IQGAP1: variants seen among roughly 807,000 people sequenced by gnomAD.
The protein encoded by IQGAP1 is ras GTPase-activating-like protein IQGAP1.
Under a neutral mutation model 215.6 loss-of-function variants are expected in IQGAP1, and 66 were observed. The ratio of observed to expected loss-of-function variants is 0.31; its 90% CI spans 0.25 to 0.38. The LOEUF (loss-of-function observed/expected upper bound fraction) is 0.38. Among genes scored for constraint, IQGAP1 ranks in the 10% least tolerant of loss-of-function variants. The pLI, the probability that IQGAP1 is intolerant of heterozygous loss-of-function variation, is 1.00. For missense variants in IQGAP1, 1,712 were observed against 1,997.1 expected (o/e 0.86, Z 2.72); for synonymous variants, 772 against 728.7 (o/e 1.06, Z -0.96).
intron 15 of IQGAP1, among the ~76,000 whole-genome samples, chr15:90,457,350 A>G (rs955672557): frequency 2.0e-5 from 3 of 150,946 alleles, no homozygotes; most frequent in African/African-American, 7.3e-5. Context: ...GTTGTGTACT[A>G]TTTCATTGTG....
chr15:90,430,187 G>A (rs1965282568), intron 4 of IQGAP1, among the ~76,000 whole-genome samples: 1 of 151,958 alleles, frequency 6.6e-6, no homozygotes, highest in Non-Finnish European at 1.5e-5. Context: ...ACATCTTCTG[G>A]GTGTTCTGCT....
rs10701656 is a variant in IQGAP1 at position 90,392,748 on chromosome 15, C to CTTTT, written c.155+1889_155+1892dup. Among the ~76,000 whole-genome samples, 294 of 117,798 alleles carry CTTTT rather than the reference C, an allele frequency of 2.5e-3. 22 individuals are homozygous for CTTTT. The highest frequency in any genetic ancestry group is 0.016 in the Admixed American group (157 of 9,926). The allele number at this position is 117,798 out of a possible 152,430, so 77.3% of individuals were successfully genotyped here. A position where few individuals can be genotyped will look rare whatever the true frequency, so the allele number is the denominator to read the frequency against. ...TTTCTTGATTGAAGAATGTTTCTAT[C>CTTTT]TTTTTTTTTTTTTTTTTGTACAGTC... On this transcript the variant is annotated intron_variant, in intron 2 of 37. Transcript: ENST00000268182.
At chr15:90,427,804 T>C (rs2256110) in intron 3 of IQGAP1, among the ~76,000 whole-genome samples, 86,191 of 151,888 alleles carry the variant, frequency 0.57, 26,004 homozygotes, top group East Asian at 0.83. Context: ...TACCTGTGAA[T>C]CCTTATTTGA....
intron 22 of IQGAP1, 128 bp downstream of exon 22, chr15:90,474,261 T>C: frequency 2.3e-6 from 2 of 874,770 alleles, no homozygotes; most frequent in Non-Finnish European, 3.5e-6. Context: ...ACCTGTGACA[T>C]AAGCCCCTTT....
At chr15:90,487,950 T>C (rs1340246743) in intron 33 of IQGAP1, among the ~76,000 whole-genome samples, 1 of 152,132 alleles carries the variant, frequency 6.6e-6, no homozygotes, top group Middle Eastern at 3.2e-3. Context: ...TGGCCGGGCA[T>C]GGTGGCTCAT....
intron 2 of IQGAP1, among the ~76,000 whole-genome samples, chr15:90,407,935 A>G (rs910201314): frequency 6.6e-6 from 1 of 152,256 alleles, no homozygotes; most frequent in Non-Finnish European, 1.5e-5. Flanking sequence ...TCAGAGAATG[A>G]GAGGTCTCAG....
chr15:90,443,932 C>T (rs1180976334), intron 9 of IQGAP1, among the ~76,000 whole-genome samples: 9 of 151,862 alleles, frequency 5.9e-5, no homozygotes, highest in Non-Finnish European at 1.3e-4. Flanking sequence ...GGCATGGTGG[C>T]GTGCTCTTGT....
At position 90,448,687 on chromosome 15, in the gene IQGAP1, G is replaced by A. The variant is rs780238754; in HGVS notation, c.1028G>A (p.Ser343Asn). ...LGLRGLQQQN[S>N]DWYLKQLLSD... ...CTTCGAGGACTGCAGCAACAGAATAGCGACTGGTACTTGAAGCAGCTCCTG... is the reference window on the plus strand; with the variant it reads ...CTTCGAGGACTGCAGCAACAGAATAACGACTGGTACTTGAAGCAGCTCCTG... Residue 343 changes from serine to asparagine, a missense_variant, in exon 10 of 38, where the codon AGC becomes AAC. Coordinates refer to ENST00000268182, the MANE Select transcript of IQGAP1 (RefSeq NM_003870.4). The A allele has an allele frequency of 1.2e-6, 2 of 1,610,168 alleles. No homozygotes were observed. Among genetic ancestry groups the A allele is most frequent in the Admixed American group, 1.7e-5 (1 of 59,242 alleles).
rs147782101 is a variant in IQGAP1 at position 90,441,584 on chromosome 15, C to T, written c.728C>T (p.Pro243Leu). The change falls in exon 8 of 38, where the codon CCG (proline) becomes CTG (leucine). Residue 243 changes from proline (P) to leucine (L), a missense_variant. Physicochemically the swap from Pro to Leu is moderately conservative, Grantham distance 98. Coordinates refer to ENST00000268182, the MANE Select transcript of IQGAP1 (RefSeq NM_003870.4). ...PADTFAALKNPNAMLVNLEEP... is the reference protein window; with the variant it reads ...PADTFAALKNLNAMLVNLEEP... ...GACACATTTGCAGCTTTGAAAAATC[C>T]GAATGCCATGCTTGTAAATCTTGAA... 1.6e-5 allele frequency: 26 copies of T among 1,613,826 alleles called. 1 individual carries two copies. The Admixed American group carries it at 1.8e-4, about 11-fold the overall frequency.
rs765461777 is a variant in IQGAP1, at chr15:90,500,105, G to T, written c.4971G>T (p.Lys1657Asn). ...TTCTCAACAAAAAGTTCTACGGGAA[G>T]TAATTGATCGTTTGCTGCCAGCCCA... Reference protein sequence around the residue: ...IFLLNKKFYGK With the variant: ...IFLLNKKFYGN Residue 1657 changes from lysine (K) to asparagine (N), a missense_variant, in exon 38 of 38, where the codon AAG becomes AAT. Transcript: ENST00000268182. The T allele has an allele frequency of 6.4e-7, 1 of 1,553,150 alleles. No homozygotes were observed. The highest frequency in any genetic ancestry group is 1.1e-5 in the South Asian group (1 of 89,772).
chr15:90,473,219 T>C, intron 19 of IQGAP1: 1 of 551,632 alleles, frequency 1.8e-6, no homozygotes, highest in Non-Finnish European at 3.2e-6. Context: ...AGTTCTTGGG[T>C]ACCTCTTCCT....
chr15:90,436,164 C>T (rs1464933660), intron 5 of IQGAP1, among the ~76,000 whole-genome samples: 2 of 151,414 alleles, frequency 1.3e-5, no homozygotes, highest in East Asian at 3.9e-4. Flanking sequence ...ACATTCCACT[C>T]TCAGATAAGA....
At chr15:90,449,530 C>T in intron 10 of IQGAP1, 29 bp from the exon 11 acceptor site, 1 of 1,583,574 alleles carries the variant, frequency 6.3e-7, no homozygotes, top group East Asian at 2.3e-5. Context: ...AATGAGTAAT[C>T]TTTACATAAT....
intron 28 of IQGAP1, 25 bp downstream of exon 28, chr15:90,482,306 T>G: frequency 6.2e-7 from 1 of 1,606,834 alleles, no homozygotes; most frequent in South Asian, 1.1e-5. Flanking sequence ...GCCGGCAGAC[T>G]CCTGCCCTTT....
chr15:90,476,510 A>C (rs1356090033), intron 23 of IQGAP1, among the ~76,000 whole-genome samples, 153 bp from the exon 24 acceptor site: 2 of 152,228 alleles, frequency 1.3e-5, no homozygotes, highest in Admixed American at 1.3e-4. Context: ...TACTGAAAAC[A>C]GGATAAAGTG....
intron 2 of IQGAP1, among the ~76,000 whole-genome samples, chr15:90,403,581 T>G (rs1445228493): frequency 6.6e-6 from 1 of 152,238 alleles, no homozygotes; most frequent in Admixed American, 6.5e-5. Flanking sequence ...CTATCATGAT[T>G]GTGTCTCTTT....
chr15:90,491,627 C>A, intron 34 of IQGAP1, 82 bp downstream of exon 34: 1 of 1,120,446 alleles, frequency 8.9e-7, no homozygotes, highest in Non-Finnish European at 1.3e-6. Context: ...CACATAACAG[C>A]ATAGCTTCAG....
intron 9 of IQGAP1, among the ~76,000 whole-genome samples, chr15:90,445,596 C>T (rs1785945699): frequency 6.6e-6 from 1 of 152,110 alleles, no homozygotes; most frequent in African/African-American, 2.4e-5. Flanking sequence ...TTTTGAAGTC[C>T]TCCTAATTCC....
In IQGAP1 at chr15:90,474,552, G is replaced by T; in HGVS notation, c.2643G>T (p.Gln881His). ...KFVHLLDQSD[Q>H]DFQEELDLMK... ...TCCACCTGCTGGACCAAAGTGACCA[G>T]GATTTTCAGGAGGAGCTTGACCTTA... The change falls in exon 23 of 38, where the codon CAG (glutamine) becomes CAT (histidine). Residue 881 changes from glutamine (Q) to histidine (H), a missense_variant. Gln to His is a conservative substitution (Grantham distance 24). Transcript: ENST00000268182. 1 of 1,614,188 alleles carries T rather than the reference G, an allele frequency of 6.2e-7. No homozygotes were observed. The highest frequency in any genetic ancestry group is 8.5e-7 in the Non-Finnish European group (1 of 1,180,024).
Sources: gnomAD v4.1 joint callset for allele counts (sites outside exome capture counted in the v4.1 genomes callset) on GRCh38, gnomAD v4.1.1 for gene constraint, MANE v1.5 for transcripts, NCBI Gene and HGNC (gene_info 2026-07-23, HGNC 2026-07-21) for gene names.